The following NLRP6 variants were observed in gnomAD, a reference collection of about 807,000 sequenced individuals.
NLRP6 encodes NACHT, LRR and PYD domains-containing protein 6.
In NLRP6, 55 loss-of-function variants were observed where a neutral mutation model predicts 70.9. That is an observed-to-expected ratio of 0.78 (90% confidence interval 0.62 to 0.97). The LOEUF is 0.97. Among genes scored for constraint, NLRP6 ranks in the 50% least tolerant of loss-of-function variants. NLRP6 has a pLI of 0.00. For missense variants in NLRP6, 1,241 were observed against 1,238.3 expected (o/e 1.00, Z -0.03); for synonymous variants, 652 against 581.9 (o/e 1.12, Z -1.73).
rs1436310048 is a variant in NLRP6, at chr11:281,088, G to A, written c.1354G>A (p.Gly452Ser). 6 of 1,612,640 alleles carry A rather than the reference G, an allele frequency of 3.7e-6. No individual in the cohort carries two copies. The highest frequency in any genetic ancestry group is 5.1e-6 in the Non-Finnish European group (6 of 1,179,694). Reference protein sequence around the residue: ...LRNLCRLAREGVLGRRAQFAE... With the variant: ...LRNLCRLARESVLGRRAQFAE... ...CAATCTGTGCCGCCTGGCCCGCGAGGGCGTCCTCGGACGCAGGGCGCAGTT... is the reference window on the plus strand; with the variant it reads ...CAATCTGTGCCGCCTGGCCCGCGAGAGCGTCCTCGGACGCAGGGCGCAGTT... The change falls in exon 4 of 8, where the codon GGC becomes AGC. Residue 452 changes from glycine to serine, a missense_variant. Transcript: ENST00000534750.
chr11:284,380 G>C lies in NLRP6; in HGVS notation c.2349G>C (p.Gln783His), dbSNP rs779068594. The C allele has an allele frequency of 1.6e-5, 26 of 1,600,764 alleles. No homozygotes were observed. The South Asian group carries it at 2.8e-4, about 17-fold the overall frequency. ...RMLSEGLAWP[Q>H]CRVQTVRVQL... ...TGAGTGAGGGCCTAGCCTGGCCGCA[G>C]TGCAGGGTGCAGACGGTCAGGTGAG... Residue 783 changes from glutamine to histidine, a missense_variant, in exon 6 of 8, where the codon CAG becomes CAC. Physicochemically the swap from Gln to His is conservative, Grantham distance 24. Coordinates refer to ENST00000534750, the MANE Select transcript of NLRP6 (RefSeq NM_001276700.2).
At position 280,210 on chromosome 11, in the gene NLRP6, C is replaced by A; in HGVS notation, c.476C>A (p.Pro159Gln). The part of the protein sequence containing the change: ...KLLIAPESAA[P>Q]EEAMGPAEEP... ...CTCATCGCGCCCGAGAGCGCCGCCC[C>A]GGAGGAGGCGATGGGGCCCGCGGAA... The change falls in exon 4 of 8, where the codon CCG (proline) becomes CAG (glutamine). Residue 159 changes from proline (P) to glutamine (Q), a missense_variant. Pro to Gln is a moderately conservative substitution (Grantham distance 76). Transcript: ENST00000534750. 6.5e-7 allele frequency: 1 copy of A among 1,546,572 alleles called. No homozygotes were observed. The highest frequency in any genetic ancestry group is 8.7e-7 in the Non-Finnish European group (1 of 1,145,796).
intron 7 of NLRP6, 133 bp downstream of exon 7, chr11:284,775 A>G (rs1399130417): frequency 4.7e-6 from 4 of 858,068 alleles, no homozygotes; most frequent in Non-Finnish European, 7.1e-6. Flanking sequence ...GAGCTCAAAC[A>G]CTGACCTGGG....
chr11:284,554 G>C lies in NLRP6; in HGVS notation c.2449G>C (p.Asp817His). Reference sequence around the variant, plus strand: ...GCAGAGCCCTGCCCTGACCACCCTGGATCTCAGCGGCTGCCAACTGCCCGC... The same window carrying C: ...GCAGAGCCCTGCCCTGACCACCCTGCATCTCAGCGGCTGCCAACTGCCCGC... The part of the protein sequence containing the change: ...LRQSPALTTL[D>H]LSGCQLPAPM... Residue 817 changes from aspartate (D) to histidine (H), a missense_variant, in exon 7 of 8, where the codon GAT becomes CAT. By Grantham distance (81) the Asp-to-His change is moderately conservative. Transcript: ENST00000534750. The C allele has an allele frequency of 6.2e-7, 1 of 1,612,688 alleles. No homozygotes were observed. The highest frequency in any genetic ancestry group is 1.1e-5 in the South Asian group (1 of 91,076).
In NLRP6 at chr11:280,671, A is replaced by T; in HGVS notation, c.937A>T (p.Ser313Cys). Reference protein sequence around the residue: ...SGARVLGGLLSKALLPTALLL... With the variant: ...SGARVLGGLLCKALLPTALLL... ...CGCGCGGGTGCTAGGCGGGCTGCTGAGCAAGGCGCTGCTGCCCACGGCCCT... is the reference window on the plus strand; with the variant it reads ...CGCGCGGGTGCTAGGCGGGCTGCTGTGCAAGGCGCTGCTGCCCACGGCCCT... The change falls in exon 4 of 8, where the codon AGC (serine) becomes TGC (cysteine). Residue 313 changes from serine (S) to cysteine (C), a missense_variant. Ser to Cys is a moderately radical substitution (Grantham distance 112). Transcript: ENST00000534750. 1 of 1,548,626 alleles carries T rather than the reference A, an allele frequency of 6.5e-7. No individual in the cohort carries two copies. The highest frequency in any genetic ancestry group is 1.4e-5 in the African/African-American group (1 of 72,236).
rs370931154 is a variant in NLRP6, at chr11:281,242, A to G, written c.1508A>G (p.Gln503Arg). ...TACCAGTTCATCGACCAGAGCTTCC[A>G]GGAGTTCCTCGCGGCACTGTCCTAC... ...VTYQFIDQSF[Q>R]EFLAALSYLL... The change falls in exon 4 of 8, where the codon CAG becomes CGG. Residue 503 changes from glutamine to arginine, a missense_variant. Gln to Arg is a conservative substitution (Grantham distance 43). Coordinates refer to ENST00000534750, the MANE Select transcript of NLRP6 (RefSeq NM_001276700.2). 10 of 1,613,060 alleles carry G rather than the reference A, an allele frequency of 6.2e-6. No homozygotes were observed. Among genetic ancestry groups the G allele is most frequent in the Non-Finnish European group, 8.5e-6 (10 of 1,179,932 alleles).
In NLRP6 at chr11:280,882, C is replaced by A; in HGVS notation, c.1148C>A (p.Ala383Glu). ...RFVKENETLF[A>E]LCFVPFVCWI... is the part of the protein sequence containing the mutation. ...GTGAAGGAGAACGAGACGCTGTTCG[C>A]GCTGTGCTTCGTGCCCTTCGTGTGC... is the stretch of plus-strand genomic sequence containing the variant. Residue 383 changes from alanine (A) to glutamate (E), a missense_variant, in exon 4 of 8, where the codon GCG becomes GAG. Physicochemically the swap from Ala to Glu is moderately radical, Grantham distance 107. Coordinates refer to ENST00000534750, the MANE Select transcript of NLRP6 (RefSeq NM_001276700.2). The A allele has an allele frequency of 6.2e-7, 1 of 1,613,388 alleles. No individual in the cohort carries two copies. The highest frequency in any genetic ancestry group is 8.5e-7 in the Non-Finnish European group (1 of 1,179,926).
At position 283,133 on chromosome 11, in the gene NLRP6, A is replaced by G. The variant is rs544111241; in HGVS notation, c.2198+336A>G. On this transcript the variant is annotated intron_variant, in intron 5 of 7. Transcript: ENST00000534750. Reference sequence around the variant, plus strand: ...TGGAAACTGCTGGGTTCTCAGAAGCAGTGGAGGAAGGTGTTCAAGCGCAGG... The same window carrying G: ...TGGAAACTGCTGGGTTCTCAGAAGCGGTGGAGGAAGGTGTTCAAGCGCAGG... 3.3e-5 allele frequency among the ~76,000 whole-genome samples: 5 copies of G among 152,312 alleles called. No individual in the cohort carries two copies. The South Asian group carries it at 1.0e-3, about 32-fold the overall frequency.
At position 281,707 on chromosome 11, in the gene NLRP6, T is replaced by C. The variant is rs77860420; in HGVS notation, c.1973T>C (p.Val658Ala). 1 of 1,613,286 alleles carries C rather than the reference T, an allele frequency of 6.2e-7. No homozygotes were observed. ...CGCTTCTGCCGCATGGACGTGGCTGTTCTGAGCTACTGCGTGAGGTGCTGC... is the reference window on the plus strand; with the variant it reads ...CGCTTCTGCCGCATGGACGTGGCTGCTCTGAGCTACTGCGTGAGGTGCTGC... ...RVRFCRMDVAVLSYCVRCCPA... is the reference protein window; with the variant it reads ...RVRFCRMDVAALSYCVRCCPA... The change falls in exon 4 of 8, where the codon GTT becomes GCT. Residue 658 changes from valine to alanine, a missense_variant. Coordinates refer to ENST00000534750, the MANE Select transcript of NLRP6 (RefSeq NM_001276700.2).
chr11:282,949 C>T, intron 5 of NLRP6, 152 bp downstream of exon 5: 1 of 678,716 alleles, frequency 1.5e-6, no homozygotes, highest in South Asian at 1.6e-5. Flanking sequence ...TCTGCCCACA[C>T]AGAGCAGAGG....
chr11:279,454 TG>T lies in NLRP6; in HGVS notation c.162del (p.Arg55GlyfsTer79). 2 of 1,403,460 alleles carry T rather than the reference TG, an allele frequency of 1.4e-6. No homozygotes were observed. The highest frequency in any genetic ancestry group is 1.5e-5 in the South Asian group (1 of 65,582). The allele number at this position is 1,403,460 out of a possible 1,614,324, so 86.9% of individuals were successfully genotyped here. ...GGGCCCGGACGGACGCAGCATCCCG[TG>T]GGGGCGGCTGGAGCGCGCGGACGCC... is the stretch of plus-strand genomic sequence containing the variant. The part of the protein sequence containing the change: ...DVGPDGRSIP[W>X]GRLERADAVD... On this transcript the variant is annotated frameshift_variant, in exon 2 of 8. Coordinates refer to ENST00000534750, the MANE Select transcript of NLRP6 (RefSeq NM_001276700.2). LOFTEE classifies it high-confidence loss of function.
chr11:281,254 C>T lies in NLRP6; in HGVS notation c.1520C>T (p.Ala507Val), dbSNP rs1845472179. The T allele has an allele frequency of 6.2e-7, 1 of 1,612,746 alleles. No homozygotes were observed. Among genetic ancestry groups the T allele is most frequent in the Non-Finnish European group, 8.5e-7 (1 of 1,179,752 alleles). The change falls in exon 4 of 8, where the codon GCG becomes GTG. Residue 507 changes from alanine to valine, a missense_variant. Transcript: ENST00000534750. Reference sequence around the variant, plus strand: ...GACCAGAGCTTCCAGGAGTTCCTCGCGGCACTGTCCTACCTGCTGGAGGAC... The same window carrying T: ...GACCAGAGCTTCCAGGAGTTCCTCGTGGCACTGTCCTACCTGCTGGAGGAC... Reference protein sequence around the residue: ...FIDQSFQEFLAALSYLLEDGG... With the variant: ...FIDQSFQEFLVALSYLLEDGG...
chr11:279,179 C>G (rs1004595772), intron 1 of NLRP6, 148 bp from the exon 2 acceptor site: 162 of 680,816 alleles, frequency 2.4e-4, no homozygotes, highest in Non-Finnish European at 3.1e-4. Context: ...CCCCGTTGCC[C>G]CCTCCCGCCA....
chr11:285,343 A>T lies in NLRP6; in HGVS notation c.*39A>T. On this transcript the variant is annotated 3_prime_UTR_variant, in exon 8 of 8. Transcript: ENST00000534750. ...AGAGCAGGGTGGAAGACCCTAGTCAAAGTCCCTGTGGAGAGAACGGCCCAT... is the reference window on the plus strand; with the variant it reads ...AGAGCAGGGTGGAAGACCCTAGTCATAGTCCCTGTGGAGAGAACGGCCCAT... 6.3e-7 allele frequency: 1 copy of T among 1,595,644 alleles called. No individual in the cohort carries two copies. The highest frequency in any genetic ancestry group is 8.6e-7 in the Non-Finnish European group (1 of 1,169,288).
Position 281,720 on chromosome 11 carries a change from C to A in NLRP6, c.1986C>A (p.Cys662Ter), listed in dbSNP as rs1160834866. The change falls in exon 4 of 8, where the codon TGC (cysteine) becomes TGA (stop). Residue 662 changes from cysteine (C) to a stop codon, truncating the protein, a stop_gained. Coordinates refer to ENST00000534750, the MANE Select transcript of NLRP6 (RefSeq NM_001276700.2). LOFTEE classifies it high-confidence loss of function. ...CRMDVAVLSYCVRCCPAGQAL... is the reference protein window; with the variant it reads ...CRMDVAVLSY Reference sequence around the variant, plus strand: ...TGGACGTGGCTGTTCTGAGCTACTGCGTGAGGTGCTGCCCTGCTGGACAGG... The same window carrying A: ...TGGACGTGGCTGTTCTGAGCTACTGAGTGAGGTGCTGCCCTGCTGGACAGG... The A allele has an allele frequency of 6.2e-7, 1 of 1,613,180 alleles. No homozygotes were observed.
At chr11:281,879 T>C (rs1425071365) in intron 4 of NLRP6, 40 bp downstream of exon 4, 4 of 1,522,922 alleles carry the variant, frequency 2.6e-6, no homozygotes, top group Admixed American at 3.8e-5. Context: ...GTGTGTGAGG[T>C]GTGTGTGCCG....
Position 280,184 on chromosome 11 carries a change from G to T in NLRP6, c.450G>T (p.Leu150=), listed in dbSNP as rs1033356737. The T allele has an allele frequency of 6.5e-6, 10 of 1,548,344 alleles. No homozygotes were observed. In the East Asian group the frequency reaches 9.8e-5, roughly 15 times the overall value. The change falls in exon 4 of 8, where the codon CTG becomes CTT. Residue 150 remains leucine, a synonymous_variant. Transcript: ENST00000534750. The part of the protein sequence containing the change: ...SVKITKRFTK[L]LIAPESAAPE... ...AGATCACCAAGCGCTTCACCAAGCT[G>T]CTCATCGCGCCCGAGAGCGCCGCCC...
intron 4 of NLRP6, 81 bp downstream of exon 4, chr11:281,920 G>A (rs552080077): frequency 3.0e-6 from 4 of 1,335,690 alleles, no homozygotes; most frequent in African/African-American, 2.9e-5. Flanking sequence ...GTGTCCATCT[G>A]GCATGGGGCG....
Position 280,370 on chromosome 11 carries a change from CA to C in NLRP6, c.641del (p.Lys214ArgfsTer39). 1.3e-6 allele frequency: 2 copies of C among 1,544,112 alleles called. No individual in the cohort carries two copies. Among genetic ancestry groups the C allele is most frequent in the Admixed American group, 1.9e-5 (1 of 52,316 alleles). ...CGGGCATCGGCAAGACCATGGCGGCCAAAAAGATCCTGTACGACTGGGCGGC... is the reference window on the plus strand; with the variant it reads ...CGGGCATCGGCAAGACCATGGCGGCCAAAAGATCCTGTACGACTGGGCGGC... Reference protein sequence around the residue: ...PAGIGKTMAAKKILYDWAAGK... With the variant: ...PAGIGKTMAAXKILYDWAAGK... On this transcript the variant is annotated frameshift_variant, in exon 4 of 8. Coordinates refer to ENST00000534750, the MANE Select transcript of NLRP6 (RefSeq NM_001276700.2). LOFTEE classifies it high-confidence loss of function.
Sources: allele counts gnomAD v4.1 joint callset (sites outside exome capture counted in the v4.1 genomes callset), GRCh38; gene constraint gnomAD v4.1.1; transcripts MANE v1.5; gene names NCBI Gene and HGNC (gene_info 2026-07-23, HGNC 2026-07-21).